Variants in TMEM245 observed in about 807,000 individuals in gnomAD.
The protein encoded by TMEM245 is transmembrane protein 245, also known as protein CG-2.
TMEM245 carries 69 observed loss-of-function variants against 101.2 expected under a neutral mutation model. The ratio of observed to expected loss-of-function variants is 0.68; its 90% CI spans 0.56 to 0.83. The LOEUF is 0.83. Among genes scored for constraint, TMEM245 ranks in the 40% least tolerant of loss-of-function variants. TMEM245 has a pLI of 0.00. For synonymous variants in TMEM245, 537 were observed against 449.8 expected, an observed-to-expected ratio of 1.19 and a Z score of -2.45; for missense variants, 1,075 against 1,092.8, an observed-to-expected ratio of 0.98 and a Z score of 0.23.
chr9:109,049,557 T>C (rs1282553811), intron 14 of TMEM245, among the ~76,000 whole-genome samples: 2 of 152,110 alleles, frequency 1.3e-5, no homozygotes, highest in African/African-American at 4.8e-5. Context: ...CCGGGCATGG[T>C]GGCTTATGCC....
chr9:109,093,974 A>C (rs1445881732), intron 3 of TMEM245, among the ~76,000 whole-genome samples: 3 of 152,228 alleles, frequency 2.0e-5, no homozygotes, highest in Non-Finnish European at 4.4e-5. Context: ...TTGTATGACT[A>C]GGTCTCATGT....
In TMEM245 at chr9:109,016,610, T is replaced by A. The variant is rs952197197; in HGVS notation, c.*3850A>T. The stretch of plus-strand genomic sequence containing the variant: ...GACAGAACAACTTGATTTATAATTC[T>A]CTTAAACTATCAAAAATAACCAAAC... On this transcript the variant is annotated 3_prime_UTR_variant, in exon 18 of 18. Coordinates refer to ENST00000374586, the MANE Select transcript of TMEM245 (RefSeq NM_032012.4). 7 of 151,390 alleles carry A rather than the reference T, an allele frequency of 4.6e-5. No homozygotes were observed. Among genetic ancestry groups the A allele is most frequent in the Non-Finnish European group, 1.0e-4 (7 of 67,914 alleles). 9.4% of individuals were successfully genotyped at this position (151,390 alleles called of 1,614,324 possible). A position where few individuals can be genotyped will look rare whatever the true frequency, so the allele number is the denominator to read the frequency against.
intron 3 of TMEM245, among the ~76,000 whole-genome samples, chr9:109,096,955 G>A (rs555055586): frequency 3.2e-4 from 49 of 152,268 alleles, no homozygotes; most frequent in African/African-American, 1.2e-3. Context: ...CCAAATAGGC[G>A]ACTAGGCTAT....
chr9:109,119,233 TG>T, intron 1 of TMEM245, 101 bp downstream of exon 1: 1 of 1,106,790 alleles, frequency 9.0e-7, no homozygotes, highest in Non-Finnish European at 1.2e-6. Context: ...AGCACAGGTG[TG>T]GCCCCTCGTC....
chr9:109,054,898 C>T (rs948897254), intron 12 of TMEM245, among the ~76,000 whole-genome samples: 1 of 152,186 alleles, frequency 6.6e-6, no homozygotes, highest in Non-Finnish European at 1.5e-5. Flanking sequence ...AATTAGTAAG[C>T]ACCTAGCACA....
rs938135102 is a variant in TMEM245, at chr9:109,015,846, A to G, written c.*4614T>C. 6.6e-6 allele frequency: 1 copy of G among 152,386 alleles called. No homozygotes were observed. The highest frequency in any genetic ancestry group is 2.4e-5 in the African/African-American group (1 of 41,456). The allele number at this position is 152,386 out of a possible 1,614,324, so 9.4% of individuals were successfully genotyped here. A position where few individuals can be genotyped will look rare whatever the true frequency, so the allele number is the denominator to read the frequency against. On this transcript the variant is annotated 3_prime_UTR_variant, in exon 18 of 18. Coordinates refer to ENST00000374586, the MANE Select transcript of TMEM245 (RefSeq NM_032012.4). ...AGCATTATTAAAATGTAATATCAATATATCACCACTGTATTTGCACATTAG... is the reference window on the plus strand; with the variant it reads ...AGCATTATTAAAATGTAATATCAATGTATCACCACTGTATTTGCACATTAG...
At chr9:109,064,410 A>T (rs921791374) in intron 10 of TMEM245, 67 bp downstream of exon 10, 2 of 1,425,938 alleles carry the variant, frequency 1.4e-6, no homozygotes, top group African/African-American at 2.9e-5. Context: ...TGTTTTATCA[A>T]AGCAACAAGC....
intron 6 of TMEM245, among the ~76,000 whole-genome samples, chr9:109,086,826 T>C (rs1476618765): frequency 6.6e-6 from 1 of 152,228 alleles, no homozygotes; most frequent in Admixed American, 6.5e-5. Flanking sequence ...CATATGGTAA[T>C]TACTCCAAAA....
At chr9:109,054,488 A>G (rs1354645487) in intron 12 of TMEM245, among the ~76,000 whole-genome samples, 2 of 152,238 alleles carry the variant, frequency 1.3e-5, no homozygotes, top group African/African-American at 4.8e-5. Context: ...ATGTTCAGGT[A>G]TCAAAAGGGT....
In TMEM245 at chr9:109,077,660, T is replaced by C. The variant is rs553531391; in HGVS notation, c.1449+3179A>G. ...TTATGTCAATATTAACTCTTATCCATATGAAAAGTCCTTAATTTGCCTCTA... is the reference window on the plus strand; with the variant it reads ...TTATGTCAATATTAACTCTTATCCACATGAAAAGTCCTTAATTTGCCTCTA... On this transcript the variant is annotated intron_variant, in intron 8 of 17. Coordinates refer to ENST00000374586, the MANE Select transcript of TMEM245 (RefSeq NM_032012.4). Among the ~76,000 whole-genome samples, 5 of 152,376 alleles carry C rather than the reference T, an allele frequency of 3.3e-5. No homozygotes were observed. The East Asian group carries it at 9.6e-4, about 29-fold the overall frequency.
At chr9:109,071,509 T>C (rs954785383) in intron 9 of TMEM245, among the ~76,000 whole-genome samples, 4 of 150,104 alleles carry the variant, frequency 2.7e-5, no homozygotes, top group Non-Finnish European at 5.9e-5. Context: ...GAGACTAAAG[T>C]GGGAGGAATG....
Position 109,119,364 on chromosome 9 carries a change from G to A in TMEM245, c.550C>T (p.Arg184Cys). The A allele has an allele frequency of 6.5e-7, 1 of 1,531,604 alleles. No individual in the cohort carries two copies. Among genetic ancestry groups the A allele is most frequent in the Non-Finnish European group, 8.7e-7 (1 of 1,143,152 alleles). The allele number at this position is 1,531,604 out of a possible 1,614,324, so 94.9% of individuals were successfully genotyped here. The change falls in exon 1 of 18, where the codon CGC becomes TGC. Residue 184 changes from arginine (R) to cysteine (C), a missense_variant. Around this residue, in one of 2 missense-constraint regions of TMEM245, gnomAD observed 808 missense variants for 741.5 expected, o/e 1.09. Coordinates refer to ENST00000374586, the MANE Select transcript of TMEM245 (RefSeq NM_032012.4). ...LLVHAATLIC[R>C]GLDYFSSLWI... The stretch of plus-strand genomic sequence containing the variant: ...AGGCTGCTGAAGTAGTCCAGCCCGC[G>A]GCAGATGAGCGTGGCAGCGTGCACC...
chr9:109,081,318 T>G (rs752274535), intron 7 of TMEM245, among the ~76,000 whole-genome samples: 5 of 152,186 alleles, frequency 3.3e-5, no homozygotes, highest in Non-Finnish European at 7.4e-5. Context: ...ATCATCAGTT[T>G]AACAAATACA....
At chr9:109,033,047 C>T (rs1450321384) in intron 17 of TMEM245, among the ~76,000 whole-genome samples, 1 of 152,188 alleles carries the variant, frequency 6.6e-6, no homozygotes, top group African/African-American at 2.4e-5. Context: ...GATCCACCTG[C>T]CTTGTTCTCC....
rs181171896 is a variant in TMEM245 at position 109,080,256 on chromosome 9, G to T, written c.1449+583C>A. Among the ~76,000 whole-genome samples, 27 of 151,972 alleles carry T rather than the reference G, an allele frequency of 1.8e-4. No homozygotes were observed. The East Asian group carries it at 4.8e-3, about 27-fold the overall frequency. On this transcript the variant is annotated intron_variant, in intron 8 of 17. Transcript: ENST00000374586. ...AAAGATTAAAATGTACCATAAAAGT[G>T]GGGGGGAAATCTTGTCAGACTTGAT... is the stretch of plus-strand genomic sequence containing the variant.
At chr9:109,060,312 T>G (rs758328526) in intron 11 of TMEM245, 42 bp downstream of exon 11, 17 of 1,416,194 alleles carry the variant, frequency 1.2e-5, no homozygotes, top group Non-Finnish European at 1.5e-5. Context: ...ATAAAAGGAC[T>G]TTATTAGTTT....
chr9:109,058,027 G>T (rs1828896491), intron 11 of TMEM245, among the ~76,000 whole-genome samples: 1 of 146,738 alleles, frequency 6.8e-6, no homozygotes, highest in South Asian at 2.2e-4. Flanking sequence ...TTGGGACGGG[G>T]TCTTGCTCTA....
chr9:109,059,364 T>A (rs933476711), intron 11 of TMEM245, among the ~76,000 whole-genome samples: 9 of 152,126 alleles, frequency 5.9e-5, no homozygotes, highest in Admixed American at 6.5e-5. Context: ...TTAAGAGACT[T>A]ACATATATAC....
chr9:109,038,048 C>T lies in TMEM245; in HGVS notation c.2193G>A (p.Met731Ile), dbSNP rs1206241773. ...GTATGAAGACAATATTGATGCCAAA[C>T]ATAGTATGAGTCAGCCAGGTATACA... is the stretch of plus-strand genomic sequence containing the variant. ...YGLYTWLTHTMFGINIVFIPS... is the reference protein window; with the variant it reads ...YGLYTWLTHTIFGINIVFIPS... Residue 731 changes from methionine to isoleucine, a missense_variant, in exon 15 of 18, where the codon ATG (methionine) becomes ATA (isoleucine). Physicochemically the swap from Met to Ile is conservative, Grantham distance 10 (BLOSUM62 1). This residue lies in a region of TMEM245 where 267 missense variants were observed against 351.3 expected (regional missense o/e 0.76). Transcript: ENST00000374586. 1 of 1,612,710 alleles carries T rather than the reference C, an allele frequency of 6.2e-7. No homozygotes were observed. The highest frequency in any genetic ancestry group is 1.3e-5 in the African/African-American group (1 of 74,904).
Sources: allele counts gnomAD v4.1 joint callset (sites outside exome capture counted in the v4.1 genomes callset), GRCh38; gene constraint gnomAD v4.1.1; regional missense constraint gnomAD v4.1.1; transcripts MANE v1.5; gene names NCBI Gene and HGNC (gene_info 2026-07-23, HGNC 2026-07-21).